The following SCUBE2 variants were observed in gnomAD, a reference collection of about 807,000 sequenced individuals.
SCUBE2 encodes signal peptide, CUB domain and EGF like domain containing 2.
A neutral mutation model predicts 125.9 loss-of-function variants in SCUBE2; 114 were observed. The observed-to-expected ratio is 0.91, with a 90% CI of 0.78 to 1.06. SCUBE2 has a LOEUF of 1.06. SCUBE2 is among the 50% of genes least tolerant of loss of function. The pLI is 0.00. For synonymous variants in SCUBE2, 459 were observed against 492.9 expected (o/e 0.93, Z 0.91); for missense variants, 1,255 against 1,301.8 (o/e 0.96, Z 0.55).
chr11:9,037,609 G>A (rs1324422117), intron 16 of SCUBE2, among the ~76,000 whole-genome samples: 1 of 152,234 alleles, frequency 6.6e-6, no homozygotes, highest in Non-Finnish European at 1.5e-5. Context: ...GATTCCCAGG[G>A]TGCCCCAGGG....
chr11:9,036,949 T>TAAAC (rs982009342), intron 16 of SCUBE2, among the ~76,000 whole-genome samples: 3 of 152,330 alleles, frequency 2.0e-5, no homozygotes, highest in East Asian at 1.9e-4. Context: ...CTGCTTCACA[T>TAAAC]AAACAAACTC....
chr11:9,074,262 CAG>C (rs1168814489), intron 4 of SCUBE2, among the ~76,000 whole-genome samples: 1 of 152,200 alleles, frequency 6.6e-6, no homozygotes, highest in Non-Finnish European at 1.5e-5. Context: ...GAAAGGACCT[CAG>C]AGCTCACCCA....
chr11:9,026,663 A>G (rs1855797543), intron 20 of SCUBE2: 1 of 152,250 alleles, frequency 6.6e-6, no homozygotes, highest in Non-Finnish European at 1.5e-5. Context: ...TGGTCACAAA[A>G]TCCTGGTTCA....
intron 3 of SCUBE2, among the ~76,000 whole-genome samples, chr11:9,076,204 G>C (rs563866391): frequency 6.6e-6 from 1 of 152,062 alleles, no homozygotes; most frequent in East Asian, 1.9e-4. Context: ...GTAGAATCCC[G>C]GACCCTGCCA....
chr11:9,034,446 G>A (rs934214835), intron 16 of SCUBE2, among the ~76,000 whole-genome samples: 2 of 152,202 alleles, frequency 1.3e-5, no homozygotes, highest in African/African-American at 4.8e-5. Flanking sequence ...AGTCAGGCAT[G>A]GTGGTGTGCG....
At chr11:9,035,668 T>C (rs929816795) in intron 16 of SCUBE2, among the ~76,000 whole-genome samples, 4 of 152,178 alleles carry the variant, frequency 2.6e-5, no homozygotes, top group Non-Finnish European at 4.4e-5. Context: ...ACGTTCTCTG[T>C]TATAAGAAAT....
chr11:9,028,108 G>A (rs961229849), intron 19 of SCUBE2, among the ~76,000 whole-genome samples: 1 of 152,152 alleles, frequency 6.6e-6, no homozygotes, highest in Non-Finnish European at 1.5e-5. Flanking sequence ...CTGGAGTGCA[G>A]TGGTGCGATC....
intron 18 of SCUBE2, among the ~76,000 whole-genome samples, 199 bp downstream of exon 18, chr11:9,030,559 C>G (rs1399683149): frequency 6.6e-6 from 1 of 152,164 alleles, no homozygotes; most frequent in African/African-American, 2.4e-5. Flanking sequence ...TCCAAAGGGG[C>G]TAAGGTGGCT....
rs139856572 is a variant in SCUBE2 at position 9,027,431 on chromosome 11, G to C, written c.2634C>G (p.Ile878Met). The part of the protein sequence containing the change: ...INPPPKRRIL[I>M]VVPEIFLPIE... ...TGGGCAGGAAGATCTCAGGGACCAC[G>C]ATCAGGATGCGGCGCTTGGGGGGTG... The change falls in exon 20 of 23, where the codon ATC (isoleucine) becomes ATG (methionine). Residue 878 changes from isoleucine (I) to methionine (M), a missense_variant. Around this residue, in one of 3 missense-constraint regions of SCUBE2, gnomAD observed 515 missense variants for 515.7 expected, o/e 1.00. Transcript: ENST00000649792. The C allele has an allele frequency of 2.5e-6, 4 of 1,613,970 alleles. No individual in the cohort carries two copies. The African/African-American group carries it at 4.0e-5, about 16-fold the overall frequency.
intron 5 of SCUBE2, 114 bp from the exon 6 acceptor site, chr11:9,066,927 A>G: frequency 2.5e-6 from 2 of 805,338 alleles, no homozygotes; most frequent in Non-Finnish European, 2.1e-6. Flanking sequence ...CACCTAGTGC[A>G]TGCCAGGCAT....
intron 1 of SCUBE2, among the ~76,000 whole-genome samples, chr11:9,090,592 C>T (rs1224913890): frequency 2.0e-5 from 3 of 151,196 alleles, no homozygotes; most frequent in Non-Finnish European, 4.4e-5. Context: ...AAGATTGCAC[C>T]CCGCTGGTTT....
At chr11:9,023,322 C>T (rs766040298) in intron 21 of SCUBE2, among the ~76,000 whole-genome samples, 2 of 152,154 alleles carry the variant, frequency 1.3e-5, no homozygotes, top group Non-Finnish European at 2.9e-5. Context: ...ATTACTAATT[C>T]GATATGTTTA....
intron 17 of SCUBE2, among the ~76,000 whole-genome samples, chr11:9,033,016 C>T (rs1856446760): frequency 6.6e-6 from 1 of 152,160 alleles, no homozygotes; most frequent in South Asian, 2.1e-4. Context: ...TATAAATCAC[C>T]ATTCAGATCA....
At chr11:9,041,463 T>C (rs748023959) in intron 16 of SCUBE2, among the ~76,000 whole-genome samples, 27 of 152,050 alleles carry the variant, frequency 1.8e-4, no homozygotes, top group African/African-American at 4.6e-4. Flanking sequence ...GGAACCAGCA[T>C]TGAAAATGAA....
intron 16 of SCUBE2, among the ~76,000 whole-genome samples, chr11:9,040,014 C>T (rs1446173452): frequency 1.3e-5 from 2 of 152,166 alleles, no homozygotes; most frequent in Admixed American, 1.3e-4. Flanking sequence ...CAGGAGTGTC[C>T]GTGGGCGCAT....
intron 2 of SCUBE2, among the ~76,000 whole-genome samples, chr11:9,080,646 C>G (rs1861556036): frequency 6.9e-6 from 1 of 144,648 alleles, no homozygotes; most frequent in African/African-American, 2.6e-5. Context: ...AAGACCCTAT[C>G]TCAAAAAAAA....
At chr11:9,042,464 C>T (rs780278965) in intron 16 of SCUBE2, among the ~76,000 whole-genome samples, 10 of 152,178 alleles carry the variant, frequency 6.6e-5, no homozygotes, top group Non-Finnish European at 1.3e-4. Context: ...GATTGCTTCA[C>T]TCCCTGGCTC....
At chr11:9,052,633 T>A (rs1242358759) in intron 13 of SCUBE2, 113 bp downstream of exon 13, 6 of 745,472 alleles carry the variant, frequency 8.0e-6, no homozygotes, top group South Asian at 7.3e-5. Flanking sequence ...GCTCACAGCA[T>A]CAAGGAAATT....
chr11:9,091,462 G>A lies in SCUBE2; in HGVS notation c.67C>T (p.Pro23Ser). 5.1e-6 allele frequency: 2 copies of A among 395,418 alleles called. No homozygotes were observed. Among genetic ancestry groups the A allele is most frequent in the South Asian group, 8.4e-5 (1 of 11,888 alleles). 24.5% of individuals were successfully genotyped at this position (395,418 alleles called of 1,614,324 possible). The change falls in exon 1 of 23, where the codon CCG (proline) becomes TCG (serine). Residue 23 changes from proline (P) to serine (S), a missense_variant. Around this residue, in one of 3 missense-constraint regions of SCUBE2, gnomAD observed 362 missense variants for 323.0 expected, o/e 1.12. Coordinates refer to ENST00000649792, the MANE Select transcript of SCUBE2 (RefSeq NM_001367977.2). This position sits in a 1 kb window ranked among gnomAD's most constrained non-coding sequence, Gnocchi z 8.5. Reference protein sequence around the residue: ...WAVLLLLLLLPPLLLLAGAVP... With the variant: ...WAVLLLLLLLSPLLLLAGAVP... ...GCCCCCGCCAGCAGCAGCAGTGGCG[G>A]CAGCAGCAGCAGCAGCAGCAGCACC... is the stretch of plus-strand genomic sequence containing the variant.
Sources: allele counts gnomAD v4.1 joint callset (sites outside exome capture counted in the v4.1 genomes callset), GRCh38; gene constraint gnomAD v4.1.1; regional missense constraint gnomAD v4.1.1; non-coding constraint Gnocchi (gnomAD v3.1); transcripts MANE v1.5; gene names NCBI Gene and HGNC (gene_info 2026-07-23, HGNC 2026-07-21).